Variants in PIAS2 observed in about 807,000 individuals in gnomAD.
PIAS2 encodes protein inhibitor of activated STAT 2, also known as E3 SUMO-protein ligase PIAS2.
PIAS2 carries 19 observed loss-of-function variants against 69.7 expected under a neutral mutation model. That is an observed-to-expected ratio of 0.27 (90% CI 0.19 to 0.40). PIAS2 has a LOEUF of 0.40. Among genes scored for constraint, PIAS2 ranks in the 10% least tolerant of loss-of-function variants. The probability of loss-of-function intolerance (pLI) is 1.00; values close to 1 mark genes in which losing one functional copy is unlikely to be tolerated. For synonymous variants in PIAS2, 261 were observed against 263.2 expected, an observed-to-expected ratio of 0.99 and a Z score of 0.08; for missense variants, 624 against 757.0, an observed-to-expected ratio of 0.82 and a Z score of 2.06.
At chr18:46,829,479 T>C (rs767861717) in intron 10 of PIAS2, among the ~76,000 whole-genome samples, 1 of 152,230 alleles carries the variant, frequency 6.6e-6, no homozygotes, top group Non-Finnish European at 1.5e-5. Context: ...ACAAACATCA[T>C]ATTTTAAAAT....
At chr18:46,840,575 A>G (rs2045230852) in intron 8 of PIAS2, among the ~76,000 whole-genome samples, 1 of 152,176 alleles carries the variant, frequency 6.6e-6, no homozygotes, top group Non-Finnish European at 1.5e-5. Context: ...AGCATACAGA[A>G]ACGAGAATAT....
In PIAS2 at chr18:46,884,878, T is replaced by C. The variant is rs140183979; in HGVS notation, c.499+5702A>G. ...GTTGCGGTGAGCTGAGACCGTGCCA[T>C]TGCACTCTAGCCTGGGCTACAAGAG... is the stretch of plus-strand genomic sequence containing the variant. On this transcript the variant is annotated intron_variant, in intron 2 of 13. Coordinates refer to ENST00000585916, the MANE Select transcript of PIAS2 (RefSeq NM_004671.5). 6.3e-3 allele frequency among the ~76,000 whole-genome samples: 955 copies of C among 151,872 alleles called. 7 individuals are homozygous for C. Among genetic ancestry groups the C allele is most frequent in the African/African-American group, 0.022 (896 of 41,458 alleles).
chr18:46,872,975 G>C (rs2050599728), intron 2 of PIAS2, among the ~76,000 whole-genome samples: 1 of 152,118 alleles, frequency 6.6e-6, no homozygotes, highest in Non-Finnish European at 1.5e-5. Flanking sequence ...CGCAAACAAG[G>C]GGGTAGCTTT....
At chr18:46,850,723 A>T (rs1158844538) in intron 5 of PIAS2, among the ~76,000 whole-genome samples, 1 of 152,174 alleles carries the variant, frequency 6.6e-6, no homozygotes, top group Non-Finnish European at 1.5e-5. Context: ...GTTCCCCGTC[A>T]AGCTTCGGCA....
At chr18:46,847,303 A>T in intron 5 of PIAS2, among the ~76,000 whole-genome samples, 1 of 152,360 alleles carries the variant, frequency 6.6e-6, no homozygotes, top group South Asian at 2.1e-4. Flanking sequence ...AAATCTGGTG[A>T]GTGATAAAAA....
chr18:46,913,863 C>T (rs2057522518), intron 1 of PIAS2, among the ~76,000 whole-genome samples: 1 of 152,186 alleles, frequency 6.6e-6, no homozygotes, highest in Non-Finnish European at 1.5e-5. Flanking sequence ...AGTGCAGTGT[C>T]AAGATCAGAG....
intron 1 of PIAS2, among the ~76,000 whole-genome samples, chr18:46,896,381 T>C (rs1298986851): frequency 6.6e-6 from 1 of 152,136 alleles, no homozygotes; most frequent in Non-Finnish European, 1.5e-5. Context: ...CTCCATCTGA[T>C]TCAAGAAGAG....
chr18:46,908,589 T>C (rs2056898553), intron 1 of PIAS2, among the ~76,000 whole-genome samples: 1 of 152,208 alleles, frequency 6.6e-6, no homozygotes, highest in African/African-American at 2.4e-5. Flanking sequence ...CTTATACTTT[T>C]ACAATAATGG....
chr18:46,897,662 T>C (rs2055109201), intron 1 of PIAS2, among the ~76,000 whole-genome samples: 1 of 152,190 alleles, frequency 6.6e-6, no homozygotes, highest in South Asian at 2.1e-4. Context: ...GGGCATTTGA[T>C]AAAATTCTAT....
At chr18:46,860,033 A>G (rs1472727863) in intron 3 of PIAS2, among the ~76,000 whole-genome samples, 2 of 152,228 alleles carry the variant, frequency 1.3e-5, no homozygotes, top group Admixed American at 6.5e-5. Context: ...TGTAACAGAA[A>G]GAACAAAAAA....
chr18:46,808,030 A>G lies in PIAS2; in HGVS notation c.*4403T>C, dbSNP rs1188162626. ...AAGACATTCATTGTGGCATTATGAG[A>G]TATAATCTAAACTGTTCAAAATAAG... On this transcript the variant is annotated 3_prime_UTR_variant, in exon 14 of 14. Coordinates refer to ENST00000585916, the MANE Select transcript of PIAS2 (RefSeq NM_004671.5). 6.6e-6 allele frequency: 1 copy of G among 152,226 alleles called. No individual in the cohort carries two copies. The highest frequency in any genetic ancestry group is 6.5e-5 in the Admixed American group (1 of 15,288). The allele number at this position is 152,226 out of a possible 1,614,324, so 9.4% of individuals were successfully genotyped here.
intron 1 of PIAS2, among the ~76,000 whole-genome samples, chr18:46,909,417 T>C (rs1035712478): frequency 4.6e-5 from 7 of 152,148 alleles, no homozygotes; most frequent in African/African-American, 1.7e-4. Flanking sequence ...CAGCTAATTT[T>C]GTTTTGTTTT....
intron 11 of PIAS2, 69 bp downstream of exon 11, chr18:46,827,890 T>A (rs2043042072): frequency 7.6e-7 from 1 of 1,315,790 alleles, no homozygotes; most frequent in Admixed American, 2.1e-5. Flanking sequence ...CAAAGAGACA[T>A]TTATAAATCT....
upstream of PIAS2, among the ~76,000 whole-genome samples, chr18:46,919,007 ATGTGTGTGTGTGTG>A (rs112427539): frequency 7.0e-6 from 1 of 143,218 alleles, no homozygotes; most frequent in Non-Finnish European, 1.5e-5. Flanking sequence ...ATATATATAT[ATGTGTGTGTGTGTG>A]TGTGTGTGTG....
At chr18:46,841,327 T>C (rs1033382057) in intron 8 of PIAS2, among the ~76,000 whole-genome samples, 2 of 152,188 alleles carry the variant, frequency 1.3e-5, no homozygotes, top group African/African-American at 4.8e-5. Context: ...CCCTACACTA[T>C]CATTTTCTCT....
chr18:46,838,215 C>T (rs1023990408), intron 8 of PIAS2, among the ~76,000 whole-genome samples: 4 of 152,104 alleles, frequency 2.6e-5, no homozygotes, highest in Admixed American at 6.5e-5. Flanking sequence ...ACAGAAGTAA[C>T]GTTTATATAG....
intron 2 of PIAS2, among the ~76,000 whole-genome samples, chr18:46,866,927 A>G (rs958334183): frequency 7.9e-5 from 12 of 152,220 alleles, no homozygotes; most frequent in African/African-American, 2.7e-4. Context: ...AAATGCCAGT[A>G]TTTGAGGCTC....
intron 9 of PIAS2, among the ~76,000 whole-genome samples, chr18:46,835,142 G>C (rs1246623116): frequency 6.6e-6 from 1 of 152,082 alleles, no homozygotes; most frequent in Non-Finnish European, 1.5e-5. Flanking sequence ...CTCTCAAATG[G>C]TTCAAAAGAA....
At chr18:46,812,811 T>C (rs1163473757) in intron 13 of PIAS2, among the ~76,000 whole-genome samples, 199 bp from the exon 14 acceptor site, 1 of 152,172 alleles carries the variant, frequency 6.6e-6, no homozygotes, top group Non-Finnish European at 1.5e-5. Context: ...GAATGCAGCA[T>C]ATATTCTTGA....
Sources: gnomAD v4.1 joint callset for allele counts (sites outside exome capture counted in the v4.1 genomes callset) on GRCh38, gnomAD v4.1.1 for gene constraint, MANE v1.5 for transcripts, NCBI Gene and HGNC (gene_info 2026-07-23, HGNC 2026-07-21) for gene names.